MCHR2: variants seen among roughly 807,000 people sequenced by gnomAD.
MCHR2 encodes the protein melanin-concentrating hormone receptor 2.
MCHR2 carries 15 observed loss-of-function variants against 24.8 expected under a neutral mutation model. The ratio of observed to expected loss-of-function variants is 0.60; its 90% CI spans 0.40 to 0.93. The LOEUF is 0.93. Ranked by LOEUF, MCHR2 falls within the 40% of genes least tolerant of loss-of-function variation. MCHR2 has a pLI of 0.00. For synonymous variants in MCHR2, 151 were observed against 147.6 expected, an observed-to-expected ratio of 1.02 and a Z score of -0.17; for missense variants, 386 against 408.7, an observed-to-expected ratio of 0.94 and a Z score of 0.48.
chr6:99,947,206 G>A (rs1774887466), intron 3 of MCHR2, among the ~76,000 whole-genome samples: 1 of 152,242 alleles, frequency 6.6e-6, no homozygotes, highest in East Asian at 1.9e-4. Context: ...AATAATGTTT[G>A]TAAAAGATGA....
At chr6:99,973,321 C>A (rs527826325) in intron 1 of MCHR2, among the ~76,000 whole-genome samples, 1 of 151,744 alleles carries the variant, frequency 6.6e-6, no homozygotes, top group Non-Finnish European at 1.5e-5. Flanking sequence ...TATGTAATGG[C>A]CTTCTTTGTC....
chr6:99,980,592 T>G (rs1582410102), intron 1 of MCHR2, among the ~76,000 whole-genome samples: 1 of 151,746 alleles, frequency 6.6e-6, no homozygotes, highest in African/African-American at 2.4e-5. Flanking sequence ...TGCAAGTGCG[T>G]GAGAGTGAAA....
At chr6:99,934,653 A>G in intron 4 of MCHR2, 136 bp from the exon 5 acceptor site, 1 of 737,300 alleles carries the variant, frequency 1.4e-6, no homozygotes, top group East Asian at 3.2e-5. Context: ...CCTTGTGGAA[A>G]AGCTCAAGAT....
At chr6:99,955,936 GAAAAA>G in intron 2 of MCHR2, 25 bp downstream of exon 2, 6 of 1,244,450 alleles carry the variant, frequency 4.8e-6, no homozygotes, top group South Asian at 3.9e-5. Flanking sequence ...AGTATGGAAG[GAAAAA>G]AAAAAAAAAG....
chr6:99,957,886 A>G (rs1775096705), intron 1 of MCHR2, among the ~76,000 whole-genome samples: 2 of 152,056 alleles, frequency 1.3e-5, no homozygotes, highest in South Asian at 4.1e-4. Flanking sequence ...GAATTTGAAG[A>G]CTCATTAATC....
At chr6:99,981,451 C>CCT (rs10664094) in intron 1 of MCHR2, among the ~76,000 whole-genome samples, 88,406 of 151,690 alleles carry the variant, frequency 0.58, 25,873 homozygotes, top group Non-Finnish European at 0.59. Context: ...CTGGGAAAAT[C>CCT]CTTTCTCTGT....
In MCHR2 at chr6:99,957,753, T is replaced by TAATC. The variant is rs34248786; in HGVS notation, c.-27-1580_-27-1579insGATT. Among the ~76,000 whole-genome samples the TAATC allele has an allele frequency of 1.9e-4, 29 of 152,000 alleles. 1 individual carries two copies. In the South Asian group the frequency reaches 5.4e-3, roughly 28 times the overall value. On this transcript the variant is annotated intron_variant, in intron 1 of 5. Coordinates refer to ENST00000281806, the MANE Select transcript of MCHR2 (RefSeq NM_001040179.2). The stretch of plus-strand genomic sequence containing the variant: ...AAGAAAGTTTAAAAGAGTTAACATT[T>TAATC]GTTAAAAATATATATACCTAATGCT...
At chr6:99,947,495 AT>A (rs889638421) in intron 3 of MCHR2, among the ~76,000 whole-genome samples, 7 of 151,642 alleles carry the variant, frequency 4.6e-5, no homozygotes, top group East Asian at 1.9e-4. Context: ...TGGTTTTGTG[AT>A]TTTTTTTTCT....
At chr6:99,975,098 G>T (rs929806735) in intron 1 of MCHR2, among the ~76,000 whole-genome samples, 1 of 152,188 alleles carries the variant, frequency 6.6e-6, no homozygotes, top group Non-Finnish European at 1.5e-5. Context: ...TCTCTTCAAA[G>T]CTGTCAGACA....
chr6:99,985,857 A>G (rs1404185558), intron 1 of MCHR2, among the ~76,000 whole-genome samples: 1 of 152,212 alleles, frequency 6.6e-6, no homozygotes, highest in Admixed American at 6.5e-5. Flanking sequence ...TTGTACATCA[A>G]AAGAAATAAT....
At chr6:99,976,265 TATAAC>T (rs1431988056) in intron 1 of MCHR2, among the ~76,000 whole-genome samples, 1 of 152,230 alleles carries the variant, frequency 6.6e-6, no homozygotes, top group African/African-American at 2.4e-5. Flanking sequence ...ACAATGATGA[TATAAC>T]ATCCATTTCT....
intron 5 of MCHR2, among the ~76,000 whole-genome samples, chr6:99,930,554 C>A (rs1232347090): frequency 6.6e-6 from 1 of 151,674 alleles, no homozygotes; most frequent in African/African-American, 2.4e-5. Context: ...ATTCTTTTTT[C>A]TCTAAACTTC....
chr6:99,985,063 A>G (rs781053802), intron 1 of MCHR2, among the ~76,000 whole-genome samples: 2 of 152,104 alleles, frequency 1.3e-5, no homozygotes, highest in African/African-American at 4.8e-5. Flanking sequence ...CAAGAACTCA[A>G]TCCCATTTAC....
At chr6:99,935,089 T>A (rs537440872) in intron 4 of MCHR2, among the ~76,000 whole-genome samples, 4 of 152,052 alleles carry the variant, frequency 2.6e-5, no homozygotes, top group South Asian at 2.1e-4. Flanking sequence ...CGCTGATGCA[T>A]AATAGATGTA....
chr6:99,980,984 T>G (rs1011342801), intron 1 of MCHR2, among the ~76,000 whole-genome samples: 1 of 152,212 alleles, frequency 6.6e-6, no homozygotes, highest in African/African-American at 2.4e-5. Flanking sequence ...AAAGCAGGGT[T>G]GCAAATTTAA....
At chr6:99,958,733 C>T (rs528216849) in intron 1 of MCHR2, among the ~76,000 whole-genome samples, 1 of 152,296 alleles carries the variant, frequency 6.6e-6, no homozygotes, top group South Asian at 2.1e-4. Context: ...AATAGAAGAA[C>T]CTGTGGCACC....
chr6:99,947,642 G>T, intron 3 of MCHR2, 120 bp downstream of exon 3: 1 of 938,892 alleles, frequency 1.1e-6, no homozygotes, highest in Non-Finnish European at 1.6e-6. Flanking sequence ...GTTCTACAGT[G>T]AAACAAAGGA....
intron 2 of MCHR2, among the ~76,000 whole-genome samples, chr6:99,951,175 G>A (rs1362497776): frequency 6.6e-6 from 1 of 152,078 alleles, no homozygotes; most frequent in African/African-American, 2.4e-5. Flanking sequence ...GGGTGTAGAA[G>A]TGGCTTCCTG....
chr6:99,987,640 A>G (rs867838483), intron 1 of MCHR2, among the ~76,000 whole-genome samples: 5 of 152,224 alleles, frequency 3.3e-5, no homozygotes, highest in Admixed American at 6.5e-5. Context: ...GTCTGCATAC[A>G]CACACATACA....
Sources: gnomAD v4.1 joint callset for allele counts (sites outside exome capture counted in the v4.1 genomes callset) on GRCh38, gnomAD v4.1.1 for gene constraint, MANE v1.5 for transcripts, NCBI Gene and HGNC (gene_info 2026-07-23, HGNC 2026-07-21) for gene names.